LGI3: variants seen among roughly 807,000 people sequenced by gnomAD.
The protein encoded by LGI3 is leucine-rich repeat LGI family member 3.
LGI3 carries 47 observed loss-of-function variants against 55.4 expected under a neutral mutation model. That is an observed-to-expected ratio of 0.85 (90% CI 0.67 to 1.08). The LOEUF (loss-of-function observed/expected upper bound fraction) is 1.08. LGI3 is among the 50% of genes least tolerant of loss of function. The probability of loss-of-function intolerance (pLI) is 0.00; values close to 1 mark genes in which losing one functional copy is unlikely to be tolerated. For synonymous variants in LGI3, 326 were observed against 315.0 expected (o/e 1.04, Z -0.37); for missense variants, 664 against 726.3 (o/e 0.91, Z 0.99).
In LGI3 at chr8:22,148,298, T is replaced by A. The variant is rs1429479810; in HGVS notation, c.1509A>T (p.Val503=). 1 of 1,614,080 alleles carries A rather than the reference T, an allele frequency of 6.2e-7. No homozygotes were observed. The highest frequency in any genetic ancestry group is 1.1e-5 in the South Asian group (1 of 91,062). Residue 503 remains valine (V), a synonymous_variant, in exon 8 of 8, where the codon GTA becomes GTT. Transcript: ENST00000306317. The surrounding 1 kb of genome is among the most constrained non-coding windows in gnomAD (Gnocchi z 7.0). ...CCTGCACAGCCAGCTCCTGGAACCG[T>A]ACAAACTTCTGTCGTCCCTCATCCC... is the stretch of plus-strand genomic sequence containing the variant. ...YQWDEGRQKF[V]RFQELAVQAP... is the part of the protein sequence containing the mutation.
In LGI3 at chr8:22,147,977, G is replaced by A; in HGVS notation, c.*183C>T. 1.7e-6 allele frequency: 1 copy of A among 583,822 alleles called. No homozygotes were observed. The highest frequency in any genetic ancestry group is 2.2e-5 in the South Asian group (1 of 46,040). The allele number at this position is 583,822 out of a possible 1,614,324, so 36.2% of individuals were successfully genotyped here. A position where few individuals can be genotyped will look rare whatever the true frequency, so the allele number is the denominator to read the frequency against. Reference sequence around the variant, plus strand: ...GTGCCTGGTGTTCATGCTGATTGCAGTGATGATGCACGTCCTCCTGGGCCA... The same window carrying A: ...GTGCCTGGTGTTCATGCTGATTGCAATGATGATGCACGTCCTCCTGGGCCA... On this transcript the variant is annotated 3_prime_UTR_variant, in exon 8 of 8. Transcript: ENST00000306317.
chr8:22,148,859 G>A lies in LGI3; in HGVS notation c.948C>T (p.Thr316=), dbSNP rs771311934. 9.8e-5 allele frequency: 158 copies of A among 1,614,190 alleles called. 2 individuals carry two copies. In the South Asian group the frequency reaches 1.7e-3, roughly 17 times the overall value. The part of the protein sequence containing the change: ...YHWDPNTTRF[T]RLQDIDPQRV... ...GCTGCGGGTCAATGTCTTGCAGCCT[G>A]GTGAAGCGCGTGGTGTTGGGATCCC... Residue 316 remains threonine (T), a synonymous_variant, in exon 8 of 8, where the codon ACC becomes ACT. Transcript: ENST00000306317. This position sits in a 1 kb window ranked among gnomAD's most constrained non-coding sequence, Gnocchi z 7.0.
rs757689422 is a variant in LGI3 at position 22,148,993 on chromosome 8, G to C, written c.830-16C>G. On this transcript the variant is annotated splice_polypyrimidine_tract_variant and intron_variant, in intron 7 of 7. Transcript: ENST00000306317. The surrounding 1 kb of genome is among the most constrained non-coding windows in gnomAD (Gnocchi z 7.0). ...GCAGAGGGGGCTGTGCCAGGACAGA[G>C]GCAGACAGCATCAGGCAGGCCGGCG... is the stretch of plus-strand genomic sequence containing the variant. The C allele has an allele frequency of 6.3e-7, 1 of 1,586,634 alleles. No individual in the cohort carries two copies. Among genetic ancestry groups the C allele is most frequent in the South Asian group, 1.1e-5 (1 of 87,278 alleles).
Position 22,156,364 on chromosome 8 carries a change from C to G in LGI3, c.179G>C (p.Arg60Thr), listed in dbSNP as rs1827500155. ...AFCVDSKAVP[R>T]NLPSEVISLT... ...GGAGATGACCTCCGAGGGCAGGTTCCTGGGCACCGCCTTTGAGTCCACGCA... is the reference window on the plus strand; with the variant it reads ...GGAGATGACCTCCGAGGGCAGGTTCGTGGGCACCGCCTTTGAGTCCACGCA... The change falls in exon 1 of 8, where the codon AGG becomes ACG. Residue 60 changes from arginine (R) to threonine (T), a missense_variant. Physicochemically the swap from Arg to Thr is moderately conservative, Grantham distance 71. Transcript: ENST00000306317. 2.5e-6 allele frequency: 4 copies of G among 1,608,498 alleles called. No homozygotes were observed. The highest frequency in any genetic ancestry group is 3.4e-6 in the Non-Finnish European group (4 of 1,178,210).
At chr8:22,155,610 T>A in intron 1 of LGI3, 147 bp from the exon 2 acceptor site, 1 of 664,736 alleles carries the variant, frequency 1.5e-6, no homozygotes, top group Non-Finnish European at 2.7e-6. Context: ...TGTGTGTCTT[T>A]CCCTTCTCCT....
At position 22,154,123 on chromosome 8, in the gene LGI3, G is replaced by A; in HGVS notation, c.422+19C>T. On this transcript the variant is annotated intron_variant, in intron 4 of 7. Transcript: ENST00000306317. The stretch of plus-strand genomic sequence containing the variant: ...GAGGTGGGGCTTTGGTGCAGTGTGT[G>A]TATGTGTGACGTACTCACAGGTGAG... The A allele has an allele frequency of 6.2e-7, 1 of 1,612,788 alleles. No individual in the cohort carries two copies. Among genetic ancestry groups the A allele is most frequent in the South Asian group, 1.1e-5 (1 of 91,046 alleles).
At chr8:22,155,569 A>G in intron 1 of LGI3, 106 bp from the exon 2 acceptor site, 1 of 917,248 alleles carries the variant, frequency 1.1e-6, no homozygotes. Flanking sequence ...TGCCCTGGAA[A>G]TGCCCCATTT....
At chr8:22,149,839 G>T (rs549673451) in intron 7 of LGI3, among the ~76,000 whole-genome samples, 1 of 151,988 alleles carries the variant, frequency 6.6e-6, no homozygotes, top group South Asian at 2.1e-4. Flanking sequence ...CCTTCTTTGG[G>T]GTTTGGTCTG....
At chr8:22,153,367 G>A (rs966373234) in intron 5 of LGI3, among the ~76,000 whole-genome samples, 6 of 151,078 alleles carry the variant, frequency 4.0e-5, no homozygotes, top group Admixed American at 3.3e-4. Context: ...TTACAGGCGT[G>A]AGCCACCACA....
Position 22,154,037 on chromosome 8 carries a change from G to C in LGI3, c.425C>G (p.Ser142Trp), listed in dbSNP as rs369485261. ...FRGLKSLTHLSLANNNLQTLP... is the reference protein window; with the variant it reads ...FRGLKSLTHLWLANNNLQTLP... ...TGTCTGCAGGTTATTGTTGGCCAGC[G>C]AGCTGCAAAAGAGACCGCCAGGTCA... Residue 142 changes from serine (S) to tryptophan (W), a missense_variant and splice_region_variant, in exon 5 of 8, where the codon TCG becomes TGG. Physicochemically the swap from Ser to Trp is radical, Grantham distance 177. Coordinates refer to ENST00000306317, the MANE Select transcript of LGI3 (RefSeq NM_139278.4). 2 of 1,614,174 alleles carry C rather than the reference G, an allele frequency of 1.2e-6. No homozygotes were observed. Among genetic ancestry groups the C allele is most frequent in the Non-Finnish European group, 1.7e-6 (2 of 1,180,034 alleles).
chr8:22,148,196 C>T lies in LGI3; in HGVS notation c.1611G>A (p.Leu537=). ...LLAPSFKGQT[L]VYRHIVVDLS... ...GATCCACCACAATGTGTCTATACACCAGCGTCTGTCCCTTGAAGCTGGGGG... is the reference window on the plus strand; with the variant it reads ...GATCCACCACAATGTGTCTATACACTAGCGTCTGTCCCTTGAAGCTGGGGG... The change falls in exon 8 of 8, where the codon CTG becomes CTA. Residue 537 remains leucine, a synonymous_variant. Transcript: ENST00000306317. This position sits in a 1 kb window ranked among gnomAD's most constrained non-coding sequence, Gnocchi z 7.0. 6.2e-7 allele frequency: 1 copy of T among 1,612,230 alleles called. No homozygotes were observed.
intron 3 of LGI3, 39 bp downstream of exon 3, chr8:22,154,521 C>T: frequency 1.9e-6 from 3 of 1,585,640 alleles, no homozygotes; most frequent in Non-Finnish European, 2.6e-6. Context: ...GGGTCCCCCT[C>T]CCTTCTGCTT....
At chr8:22,152,512 G>A (rs143640613) in intron 5 of LGI3, among the ~76,000 whole-genome samples, 2,253 of 152,290 alleles carry the variant, frequency 0.015, 27 homozygotes, top group Non-Finnish European at 0.022. Flanking sequence ...GGGAGGCTGA[G>A]GTGGGCAGAT....
chr8:22,150,515 C>A (rs1013852835), intron 7 of LGI3, among the ~76,000 whole-genome samples: 1 of 151,910 alleles, frequency 6.6e-6, no homozygotes, highest in Non-Finnish European at 1.5e-5. Context: ...CCTGCCACCA[C>A]GCCCAGCTAA....
At position 22,148,832 on chromosome 8, in the gene LGI3, G is replaced by A. The variant is rs144612745; in HGVS notation, c.975C>T (p.Arg325=). The A allele has an allele frequency of 7.4e-4, 1,195 of 1,614,174 alleles. 15 individuals carry two copies. The South Asian group carries it at 9.4e-3, about 13-fold the overall frequency. ...CTTCTAGGTCGTTAGGCTTGCGCACGCGCTGCGGGTCAATGTCTTGCAGCC... is the reference window on the plus strand; with the variant it reads ...CTTCTAGGTCGTTAGGCTTGCGCACACGCTGCGGGTCAATGTCTTGCAGCC... The part of the protein sequence containing the change: ...FTRLQDIDPQ[R]VRKPNDLEAF... The change falls in exon 8 of 8, where the codon CGC becomes CGT. Residue 325 remains arginine, a synonymous_variant. Transcript: ENST00000306317. This position sits in a 1 kb window ranked among gnomAD's most constrained non-coding sequence, Gnocchi z 7.0.
Position 22,148,199 on chromosome 8 carries a change from C to G in LGI3, c.1608G>C (p.Thr536=). Residue 536 remains threonine, a synonymous_variant, in exon 8 of 8, where the codon ACG becomes ACC. Transcript: ENST00000306317. This position sits in a 1 kb window ranked among gnomAD's most constrained non-coding sequence, Gnocchi z 7.0. ...LLLAPSFKGQ[T]LVYRHIVVDL... Reference sequence around the variant, plus strand: ...CCACCACAATGTGTCTATACACCAGCGTCTGTCCCTTGAAGCTGGGGGCCA... The same window carrying G: ...CCACCACAATGTGTCTATACACCAGGGTCTGTCCCTTGAAGCTGGGGGCCA... The G allele has an allele frequency of 6.2e-7, 1 of 1,612,704 alleles. No homozygotes were observed.
At chr8:22,154,723 C>T (rs1827464593) in intron 2 of LGI3, 92 bp from the exon 3 acceptor site, 4 of 950,836 alleles carry the variant, frequency 4.2e-6, no homozygotes, top group Non-Finnish European at 6.8e-6. Flanking sequence ...TTCCCCAAGA[C>T]ATGACTGCCC....
At position 22,155,372 on chromosome 8, in the gene LGI3, CCA is replaced by C; in HGVS notation, c.278+18_278+19del. The C allele has an allele frequency of 1.9e-6, 3 of 1,612,470 alleles. No homozygotes were observed. Among genetic ancestry groups the C allele is most frequent in the Non-Finnish European group, 2.5e-6 (3 of 1,178,854 alleles). ...CCACCCCATAGTTCCCCCAACCCTT[CCA>C]CAAGGCCCTATCCATACAAGAACTG... On this transcript the variant is annotated intron_variant, in intron 2 of 7. Transcript: ENST00000306317.
intron 1 of LGI3, 81 bp from the exon 2 acceptor site, chr8:22,155,544 G>C: frequency 8.7e-7 from 1 of 1,147,568 alleles, no homozygotes; most frequent in Non-Finnish European, 1.3e-6. Flanking sequence ...GAGGGCAGTA[G>C]CTTTTGTACT....
Sources: gnomAD v4.1 joint callset for allele counts (sites outside exome capture counted in the v4.1 genomes callset) on GRCh38, gnomAD v4.1.1 for gene constraint, Gnocchi (gnomAD v3.1) non-coding constraint, MANE v1.5 for transcripts, NCBI Gene and HGNC (gene_info 2026-07-23, HGNC 2026-07-21) for gene names.